The following CUX1 variants were observed in gnomAD, a reference collection of about 807,000 sequenced individuals.
CUX1 encodes the protein protein CASP.
In CUX1, 31 loss-of-function variants were observed where a neutral mutation model predicts 158.8. The ratio of observed to expected loss-of-function variants is 0.20; its 90% CI spans 0.15 to 0.26. The LOEUF is 0.26. Among genes scored for constraint, CUX1 ranks in the 10% least tolerant of loss-of-function variants. The probability of loss-of-function intolerance (pLI) is 1.00; values close to 1 mark genes in which losing one functional copy is unlikely to be tolerated. For synonymous variants in CUX1, 879 were observed against 862.1 expected (o/e 1.02, Z -0.34); for missense variants, 1,589 against 2,014.6 (o/e 0.79, Z 4.04).
intron 20 of CUX1, among the ~76,000 whole-genome samples, chr7:102,221,540 C>T (rs891248481): frequency 1.2e-4 from 19 of 152,032 alleles, no homozygotes; most frequent in Admixed American, 1.3e-4. Context: ...AGAATTACGG[C>T]GGGTGCGGGT....
chr7:101,993,446 T>TG, intron 2 of CUX1, among the ~76,000 whole-genome samples: 1 of 152,204 alleles, frequency 6.6e-6, no homozygotes, highest in East Asian at 1.9e-4. Flanking sequence ...GCTGCTCTGA[T>TG]GGGGGGTGGG....
chr7:102,190,089 G>A (rs1179973404), intron 12 of CUX1, among the ~76,000 whole-genome samples: 2 of 152,254 alleles, frequency 1.3e-5, no homozygotes, highest in Non-Finnish European at 2.9e-5. Flanking sequence ...TTGGACTTTT[G>A]CTAAAAGCTG....
intron 3 of CUX1, among the ~76,000 whole-genome samples, chr7:102,041,332 A>G (rs959629060): frequency 4.8e-5 from 6 of 125,872 alleles, no homozygotes; most frequent in Non-Finnish European, 7.9e-5. Context: ...GTGGCTCACC[A>G]TAATCTCTGC....
intron 20 of CUX1, among the ~76,000 whole-genome samples, chr7:102,221,987 G>C (rs1364399678): frequency 6.6e-6 from 1 of 152,058 alleles, no homozygotes; most frequent in Non-Finnish European, 1.5e-5. Context: ...GGCTGGATGC[G>C]GTGACTCATG....
Position 102,251,284 on chromosome 7 carries a change from C to G in CUX1, c.*2242C>G. ...GGAGTTATAATTTTAAAGGTATGCT[C>G]TGGCTGTTCCACCTCCGTGTGCTTG... On this transcript the variant is annotated 3_prime_UTR_variant, in exon 24 of 24. Transcript: ENST00000292535. 1.0e-6 allele frequency: 1 copy of G among 985,038 alleles called. No individual in the cohort carries two copies. Among genetic ancestry groups the G allele is most frequent in the Non-Finnish European group, 1.2e-6 (1 of 829,810 alleles). 61.0% of individuals were successfully genotyped at this position (985,038 alleles called of 1,614,324 possible). A position where few individuals can be genotyped will look rare whatever the true frequency, so the allele number is the denominator to read the frequency against.
rs990626564 is a variant in CUX1, at chr7:102,083,872, T to A, written c.268+13455T>A. Among the ~76,000 whole-genome samples, 91 of 147,152 alleles carry A rather than the reference T, an allele frequency of 6.2e-4. 2 individuals are homozygous for A. The highest frequency in any genetic ancestry group is 2.1e-3 in the African/African-American group (86 of 41,198). ...TTATATTAAAGGATATTTTCTTTTT[T>A]AAAAAATCTACAATGTTTATTTTAT... On this transcript the variant is annotated intron_variant, in intron 4 of 23. Coordinates refer to ENST00000292535, the MANE Select transcript of CUX1 (RefSeq NM_181552.4).
chr7:102,133,694 CTT>C (rs1833580509), intron 8 of CUX1, among the ~76,000 whole-genome samples: 1 of 151,986 alleles, frequency 6.6e-6, no homozygotes. Context: ...CCAGGCTGGT[CTT>C]GAACTCCTGA....
intron 2 of CUX1, among the ~76,000 whole-genome samples, chr7:101,997,405 G>A (rs1816083393): frequency 6.6e-6 from 1 of 152,222 alleles, no homozygotes; most frequent in Non-Finnish European, 1.5e-5. Context: ...GCGCAGTGGT[G>A]CAATCTGGGC....
intron 23 of CUX1, among the ~76,000 whole-genome samples, chr7:102,244,218 C>T (rs1266548721): frequency 2.0e-5 from 3 of 151,986 alleles, no homozygotes; most frequent in African/African-American, 7.3e-5. Context: ...TAACCAAGAA[C>T]GTAGTTTTTT....
intron 2 of CUX1, among the ~76,000 whole-genome samples, chr7:102,007,329 C>G (rs1256395333): frequency 2.0e-5 from 3 of 152,098 alleles, no homozygotes; most frequent in Admixed American, 6.5e-5. Flanking sequence ...TTCCACAGGT[C>G]TCAGCCTTTT....
At chr7:102,192,711 A>G (rs1024278442) in intron 12 of CUX1, among the ~76,000 whole-genome samples, 29 of 152,188 alleles carry the variant, frequency 1.9e-4, no homozygotes, top group African/African-American at 7.0e-4. Flanking sequence ...CTGCAGGAAC[A>G]TGGCGAAGGT....
In CUX1 at chr7:102,248,312, G is replaced by A. The variant is rs1022610648; in HGVS notation, c.3888-100G>A. 5 of 1,152,724 alleles carry A rather than the reference G, an allele frequency of 4.3e-6. No individual in the cohort carries two copies. The highest frequency in any genetic ancestry group is 3.0e-5 in the East Asian group (1 of 33,466). 71.4% of individuals were successfully genotyped at this position (1,152,724 alleles called of 1,614,324 possible). ...GCACGGAGGGGCCTCCAGGCTGGAC[G>A]GAGCAGGAGCCCCAGAGAGAGGGGT... is the stretch of plus-strand genomic sequence containing the variant. On this transcript the variant is annotated intron_variant, in intron 23 of 23. Transcript: ENST00000292535. The surrounding 1 kb of genome is among the most constrained non-coding windows in gnomAD (Gnocchi z 5.8).
intron 1 of CUX1, among the ~76,000 whole-genome samples, chr7:101,839,149 C>G (rs1412944732): frequency 6.6e-6 from 1 of 152,202 alleles, no homozygotes; most frequent in Non-Finnish European, 1.5e-5. Flanking sequence ...CTTCCAAAGG[C>G]CACACCTCCA....
chr7:101,995,063 C>T (rs928428751), intron 2 of CUX1, among the ~76,000 whole-genome samples: 3 of 152,058 alleles, frequency 2.0e-5, no homozygotes, highest in African/African-American at 7.2e-5. Context: ...GCCATTGCAT[C>T]CAGCCTGGGC....
intron 20 of CUX1, among the ~76,000 whole-genome samples, chr7:102,208,760 A>G (rs1226642037): frequency 6.6e-6 from 1 of 152,162 alleles, no homozygotes; most frequent in Non-Finnish European, 1.5e-5. Context: ...AATCCTTTCA[A>G]GAGGCCCCCA....
intron 2 of CUX1, among the ~76,000 whole-genome samples, chr7:101,987,034 C>T (rs925089498): frequency 6.6e-6 from 1 of 152,126 alleles, no homozygotes; most frequent in Non-Finnish European, 1.5e-5. Context: ...TCTGCTCCTG[C>T]CACCCCTGTC....
intron 22 of CUX1, among the ~76,000 whole-genome samples, chr7:102,236,400 T>C (rs536338985): frequency 1.2e-4 from 18 of 152,352 alleles, no homozygotes; most frequent in African/African-American, 4.3e-4. Context: ...AGAGGCCTGG[T>C]GCCACATTGC....
chr7:101,822,891 C>G (rs1278232870), intron 1 of CUX1, among the ~76,000 whole-genome samples: 1 of 144,154 alleles, frequency 6.9e-6, no homozygotes, highest in Non-Finnish European at 1.5e-5. Flanking sequence ...GGTGACAGAG[C>G]GAGACTCTGT....
chr7:101,980,050 G>A (rs1472702766), intron 2 of CUX1, among the ~76,000 whole-genome samples: 5 of 152,174 alleles, frequency 3.3e-5, no homozygotes, highest in African/African-American at 1.2e-4. Context: ...TGCGGAGAGC[G>A]GGGCCCTACC....
Sources: gnomAD v4.1 joint callset for allele counts (sites outside exome capture counted in the v4.1 genomes callset) on GRCh38, gnomAD v4.1.1 for gene constraint, Gnocchi (gnomAD v3.1) non-coding constraint, MANE v1.5 for transcripts, NCBI Gene and HGNC (gene_info 2026-07-23, HGNC 2026-07-21) for gene names.